The following SNX27 variants were observed in gnomAD, a reference collection of about 807,000 sequenced individuals.
SNX27 encodes the protein sorting nexin 27.
In SNX27, 22 loss-of-function variants were observed where a neutral mutation model predicts 71.6. That is an observed-to-expected ratio of 0.31 (90% confidence interval 0.22 to 0.44). The LOEUF (loss-of-function observed/expected upper bound fraction) is 0.44, where lower values mean the gene tolerates loss of function less well. SNX27 is among the 20% of genes least tolerant of loss of function. The pLI, the probability that SNX27 is intolerant of heterozygous loss-of-function variation, is 1.00. For missense variants in SNX27, 531 were observed against 698.6 expected (o/e 0.76, Z 2.70); for synonymous variants, 269 against 277.2 (o/e 0.97, Z 0.29).
chr1:151,645,649 T>C (rs1220010694), intron 2 of SNX27, among the ~76,000 whole-genome samples: 1 of 152,252 alleles, frequency 6.6e-6, no homozygotes, highest in East Asian at 1.9e-4. Context: ...TCTCTTGTCT[T>C]GGATTCTCCA....
At chr1:151,617,145 G>A (rs1366855905) in intron 1 of SNX27, among the ~76,000 whole-genome samples, 1 of 152,076 alleles carries the variant, frequency 6.6e-6, no homozygotes, top group Non-Finnish European at 1.5e-5. Context: ...TTATTTATTG[G>A]ATCTTGCTAA....
chr1:151,686,005 T>G (rs1053258525), intron 8 of SNX27, among the ~76,000 whole-genome samples: 1 of 152,214 alleles, frequency 6.6e-6, no homozygotes, highest in Non-Finnish European at 1.5e-5. Flanking sequence ...CTTCTATATA[T>G]TAATGCATGA....
At chr1:151,639,800 C>G (rs938391682) in intron 2 of SNX27, among the ~76,000 whole-genome samples, 2 of 152,232 alleles carry the variant, frequency 1.3e-5, no homozygotes, top group Non-Finnish European at 2.9e-5. Context: ...CTAATTGCCA[C>G]TGATAGCTCA....
chr1:151,612,426 C>A lies in SNX27; in HGVS notation c.225C>A (p.Tyr75Ter), dbSNP rs868258581. The change falls in exon 1 of 12, where the codon TAC (tyrosine) becomes TAA (stop). Residue 75 changes from tyrosine to a stop codon, truncating the protein, a stop_gained. Transcript: ENST00000458013. LOFTEE classifies it high-confidence loss of function. This position sits in a 1 kb window ranked among gnomAD's most constrained non-coding sequence, Gnocchi z 5.2. The stretch of plus-strand genomic sequence containing the variant: ...TGCGGAGCATCAACGGGGAGCTGTA[C>A]GCGCCGCTGCAGCATGTGAGCGCCG... ...GQLRSINGEL[Y>*]APLQHVSAVL... 1.3e-6 allele frequency: 2 copies of A among 1,486,868 alleles called. No homozygotes were observed. Among genetic ancestry groups the A allele is most frequent in the Admixed American group, 2.4e-5 (1 of 41,764 alleles). 92.1% of individuals were successfully genotyped at this position (1,486,868 alleles called of 1,614,324 possible). A position where few individuals can be genotyped will look rare whatever the true frequency, so the allele number is the denominator to read the frequency against.
chr1:151,694,718 C>T lies in SNX27; in HGVS notation c.*301C>T, dbSNP rs965809307. The T allele has an allele frequency of 2.3e-4, 71 of 312,840 alleles. 1 individual carries two copies. In the East Asian group the frequency reaches 3.9e-3, roughly 17 times the overall value. The allele number at this position is 312,840 out of a possible 1,614,324, so 19.4% of individuals were successfully genotyped here. On this transcript the variant is annotated 3_prime_UTR_variant, in exon 12 of 12. Transcript: ENST00000458013. Reference sequence around the variant, plus strand: ...TTTCACCTGGGCCTCATACCAACAGCCTCTCCTTGTACTATATTTTTAAAA... The same window carrying T: ...TTTCACCTGGGCCTCATACCAACAGTCTCTCCTTGTACTATATTTTTAAAA...
In SNX27 at chr1:151,657,994, C is replaced by G. The variant is rs187266331; in HGVS notation, c.544-241C>G. On this transcript the variant is annotated intron_variant, in intron 2 of 11. Coordinates refer to ENST00000458013, the MANE Select transcript of SNX27 (RefSeq NM_001330723.2). ...CCAGCCCGGGCAACAGAGTGAGATT[C>G]CATCTCAAAAAAACCCCAAAAAACA... Among the ~76,000 whole-genome samples the G allele has an allele frequency of 6.8e-4, 103 of 152,220 alleles. 1 individual carries two copies. The highest frequency in any genetic ancestry group is 2.4e-3 in the African/African-American group (99 of 41,540).
chr1:151,652,632 C>T (rs894509323), intron 2 of SNX27, among the ~76,000 whole-genome samples: 34 of 151,748 alleles, frequency 2.2e-4, no homozygotes, highest in Non-Finnish European at 4.1e-4. Flanking sequence ...AGGCTGGTCT[C>T]GAACTCCTGA....
chr1:151,676,973 AG>A (rs1169742144), intron 7 of SNX27: 2 of 151,768 alleles, frequency 1.3e-5, no homozygotes, highest in Non-Finnish European at 2.9e-5. Context: ...GCCTATGTTT[AG>A]CATCTCTCTG....
chr1:151,675,391 A>G (rs931973398), intron 7 of SNX27, among the ~76,000 whole-genome samples: 1 of 152,128 alleles, frequency 6.6e-6, no homozygotes, highest in Non-Finnish European at 1.5e-5. Context: ...AGGTCTTTAT[A>G]TGGATGTATA....
Position 151,695,958 on chromosome 1 carries a change from G to C in SNX27, c.*1541G>C, listed in dbSNP as rs1389407321. ...TATCTTCAAGGCCTTGGGGAAACTT[G>C]CAGTGGGTCAGTGGTCTGTGCCAAC... On this transcript the variant is annotated 3_prime_UTR_variant, in exon 12 of 12. Coordinates refer to ENST00000458013, the MANE Select transcript of SNX27 (RefSeq NM_001330723.2). The C allele has an allele frequency of 2.0e-5, 3 of 152,334 alleles. No homozygotes were observed. The highest frequency in any genetic ancestry group is 7.2e-5 in the African/African-American group (3 of 41,450). The allele number at this position is 152,334 out of a possible 1,614,324, so 9.4% of individuals were successfully genotyped here.
intron 1 of SNX27, chr1:151,614,509 G>C (rs1268742783): frequency 6.6e-6 from 1 of 152,180 alleles, no homozygotes; most frequent in African/African-American, 2.4e-5. Context: ...TTTTAGTAGA[G>C]ACGGGTTTCA....
At chr1:151,659,884 A>G (rs1558059116) in intron 3 of SNX27, 1 of 152,252 alleles carries the variant, frequency 6.6e-6, no homozygotes, top group Non-Finnish European at 1.5e-5. Context: ...ACTGGCTTAT[A>G]GAATAACAGT....
At chr1:151,627,612 G>C (rs929675457) in intron 1 of SNX27, among the ~76,000 whole-genome samples, 3 of 152,016 alleles carry the variant, frequency 2.0e-5, no homozygotes. Flanking sequence ...TTTTTAAATA[G>C]AGATGGGGTT....
intron 8 of SNX27, 73 bp from the exon 9 acceptor site, chr1:151,692,362 A>G (rs1014248004): frequency 1.7e-5 from 24 of 1,382,736 alleles, no homozygotes; most frequent in Non-Finnish European, 2.1e-5. Flanking sequence ...ATAGCTCTTT[A>G]TTGTGTTTAA....
At chr1:151,627,047 A>G (rs1232456197) in intron 1 of SNX27, among the ~76,000 whole-genome samples, 3 of 152,184 alleles carry the variant, frequency 2.0e-5, no homozygotes, top group Non-Finnish European at 4.4e-5. Flanking sequence ...CTTTTAGGCC[A>G]TTTCGGCTGA....
intron 2 of SNX27, among the ~76,000 whole-genome samples, chr1:151,646,585 G>A (rs1669043142): frequency 1.4e-5 from 2 of 148,038 alleles, no homozygotes; most frequent in African/African-American, 2.5e-5. Context: ...ATTTGAATTT[G>A]TAGTTGTATA....
At position 151,637,153 on chromosome 1, in the gene SNX27, G is replaced by GTTTT. The variant is rs200938062; in HGVS notation, c.312-1730_312-1727dup. On this transcript the variant is annotated intron_variant, in intron 1 of 11. Transcript: ENST00000458013. Reference sequence around the variant, plus strand: ...CTGGTATATGATCAGAGTTGATCACGTTTTTTTTGTTTTTTTGTTTTTTTT... The same window carrying GTTTT: ...CTGGTATATGATCAGAGTTGATCACGTTTTTTTTTTTTGTTTTTTTGTTTTTTTT... Among the ~76,000 whole-genome samples, 205 of 64,064 alleles carry GTTTT rather than the reference G, an allele frequency of 3.2e-3. 23 individuals carry two copies. Among genetic ancestry groups the GTTTT allele is most frequent in the African/African-American group, 8.1e-3 (165 of 20,276 alleles). The allele number at this position is 64,064 out of a possible 152,430, so 42.0% of individuals were successfully genotyped here. A position where few individuals can be genotyped will look rare whatever the true frequency, so the allele number is the denominator to read the frequency against.
At chr1:151,621,123 C>A (rs1357773602) in intron 1 of SNX27, among the ~76,000 whole-genome samples, 1 of 152,172 alleles carries the variant, frequency 6.6e-6, no homozygotes, top group Non-Finnish European at 1.5e-5. Context: ...AATGAAAATT[C>A]ATGTGAAGCT....
chr1:151,623,345 T>C (rs1667766723), intron 1 of SNX27, among the ~76,000 whole-genome samples: 1 of 152,156 alleles, frequency 6.6e-6, no homozygotes. Flanking sequence ...TTTCACCTTG[T>C]TAGCCAGGAT....
Sources: allele counts gnomAD v4.1 joint callset (sites outside exome capture counted in the v4.1 genomes callset), GRCh38; gene constraint gnomAD v4.1.1; non-coding constraint Gnocchi (gnomAD v3.1); transcripts MANE v1.5; gene names NCBI Gene and HGNC (gene_info 2026-07-23, HGNC 2026-07-21).